The following XPR1 variants were observed in gnomAD, a reference collection of about 807,000 sequenced individuals.
XPR1 encodes xenotropic and polytropic retrovirus receptor 1.
In XPR1, 28 loss-of-function variants were observed where a neutral mutation model predicts 87.5. The observed-to-expected ratio is 0.32, with a 90% CI of 0.24 to 0.44. The LOEUF is 0.44. XPR1 is among the 20% of genes least tolerant of loss of function. The pLI is 1.00. For missense variants in XPR1, 559 were observed against 862.3 expected (o/e 0.65, Z 4.41); for synonymous variants, 300 against 306.1 (o/e 0.98, Z 0.21).
intron 2 of XPR1, among the ~76,000 whole-genome samples, chr1:180,742,563 A>G (rs113137729): frequency 0.017 from 2,551 of 152,194 alleles, 79 homozygotes; most frequent in African/African-American, 0.056. Context: ...GTCTTGGTAC[A>G]TAGTTCCATG....
intron 2 of XPR1, among the ~76,000 whole-genome samples, chr1:180,704,811 G>GT (rs1182063865): frequency 1.6e-3 from 99 of 63,596 alleles, no homozygotes; most frequent in African/African-American, 4.5e-3. Context: ...GGGACTGTTG[G>GT]TTGTTTTTTT....
intron 2 of XPR1, among the ~76,000 whole-genome samples, chr1:180,722,737 GTC>G (rs1299367667): frequency 6.6e-6 from 1 of 152,088 alleles, no homozygotes; most frequent in African/African-American, 2.4e-5. Flanking sequence ...TGATACAGTT[GTC>G]TCTCTTGCTT....
intron 12 of XPR1, among the ~76,000 whole-genome samples, chr1:180,872,705 C>T (rs1249319783): frequency 7.0e-6 from 1 of 143,278 alleles, no homozygotes; most frequent in Non-Finnish European, 1.5e-5. Flanking sequence ...CACTGGCCTG[C>T]GCCCACTGTC....
intron 2 of XPR1, among the ~76,000 whole-genome samples, chr1:180,744,737 G>A (rs1044475851): frequency 7.2e-6 from 1 of 139,404 alleles, no homozygotes; most frequent in African/African-American, 2.7e-5. Flanking sequence ...TGCAGCCTCC[G>A]CCTCCCGGGT....
intron 1 of XPR1, among the ~76,000 whole-genome samples, chr1:180,671,444 A>G (rs544145763): frequency 6.6e-6 from 1 of 152,326 alleles, no homozygotes; most frequent in Middle Eastern, 3.4e-3. Flanking sequence ...AGAAAACGTA[A>G]TAATGTTAAC....
chr1:180,705,884 C>G lies in XPR1; in HGVS notation c.121+23473C>G, dbSNP rs963958361. On this transcript the variant is annotated intron_variant, in intron 2 of 14. Transcript: ENST00000367590. ...TTCGCAATGGCCATGAAAGAATCTT[C>G]CTAAAAGTAGTAGTAAGAGAATGAC... 5.9e-5 allele frequency among the ~76,000 whole-genome samples: 9 copies of G among 152,212 alleles called. No homozygotes were observed. In the South Asian group the frequency reaches 1.0e-3, roughly 18 times the overall value.
At chr1:180,639,224 G>A (rs1232637520) in intron 1 of XPR1, among the ~76,000 whole-genome samples, 2 of 151,894 alleles carry the variant, frequency 1.3e-5, no homozygotes, top group Non-Finnish European at 2.9e-5. Flanking sequence ...GGAGGCGGAG[G>A]TTGCAGTGAG....
chr1:180,835,496 A>ACCCCCCCCCCCCC (rs111339401), intron 10 of XPR1, among the ~76,000 whole-genome samples: 1 of 150,300 alleles, frequency 6.7e-6, no homozygotes, highest in African/African-American at 2.5e-5. Context: ...CCGTTTTCGC[A>ACCCCCCCCCCCCC]CCCCCCCCTT....
intron 13 of XPR1, chr1:180,874,149 C>T (rs950626856): frequency 1.5e-5 from 8 of 529,812 alleles, no homozygotes; most frequent in African/African-American, 1.2e-4. Flanking sequence ...CCCACCTCGG[C>T]CTCCCAAAGT....
intron 7 of XPR1, among the ~76,000 whole-genome samples, chr1:180,813,313 G>A (rs1314815537): frequency 6.6e-6 from 1 of 152,126 alleles, no homozygotes; most frequent in Non-Finnish European, 1.5e-5. Flanking sequence ...TCCCCAAGAT[G>A]TCTACCTAGC....
chr1:180,852,968 G>A (rs1329010034), intron 11 of XPR1, among the ~76,000 whole-genome samples: 2 of 152,086 alleles, frequency 1.3e-5, no homozygotes, highest in African/African-American at 4.8e-5. Flanking sequence ...GTTTTGGAAT[G>A]TATCCCCCAC....
At chr1:180,822,130 G>A (rs552710688) in intron 7 of XPR1, among the ~76,000 whole-genome samples, 12 of 152,266 alleles carry the variant, frequency 7.9e-5, no homozygotes, top group East Asian at 7.7e-4. Context: ...AGGTCATGCC[G>A]TGTATGTACA....
At chr1:180,676,013 T>C (rs1656357644) in intron 1 of XPR1, among the ~76,000 whole-genome samples, 1 of 152,204 alleles carries the variant, frequency 6.6e-6, no homozygotes, top group African/African-American at 2.4e-5. Flanking sequence ...CAGTGAGATT[T>C]GTCTTGACTT....
At chr1:180,772,329 T>A (rs1172490934) in intron 2 of XPR1, among the ~76,000 whole-genome samples, 2 of 152,170 alleles carry the variant, frequency 1.3e-5, no homozygotes, top group Non-Finnish European at 2.9e-5. Context: ...GACCCAGCCC[T>A]GGAAATCAAC....
chr1:180,810,147 AAGC>A (rs1263017485), intron 6 of XPR1, among the ~76,000 whole-genome samples: 1 of 152,160 alleles, frequency 6.6e-6, no homozygotes, highest in African/African-American at 2.4e-5. Flanking sequence ...TTATTTTAGA[AAGC>A]AGAAGTTTCA....
At chr1:180,757,757 C>T (rs117170505) in intron 2 of XPR1, among the ~76,000 whole-genome samples, 3 of 150,762 alleles carry the variant, frequency 2.0e-5, no homozygotes, top group East Asian at 3.9e-4. Flanking sequence ...TGGCCTCAAG[C>T]GATCCTTCTG....
chr1:180,662,739 C>T (rs1334852557), intron 1 of XPR1, among the ~76,000 whole-genome samples: 1 of 152,128 alleles, frequency 6.6e-6, no homozygotes, highest in Non-Finnish European at 1.5e-5. Flanking sequence ...TCTCCACCTC[C>T]TTTTTAAGGC....
intron 13 of XPR1, among the ~76,000 whole-genome samples, chr1:180,876,101 A>G (rs944586492): frequency 3.9e-5 from 6 of 152,306 alleles, no homozygotes; most frequent in African/African-American, 1.4e-4. Context: ...AATATTAACC[A>G]ATTTTATACA....
intron 7 of XPR1, among the ~76,000 whole-genome samples, chr1:180,823,087 A>G (rs1156730286): frequency 3.3e-5 from 5 of 152,088 alleles, no homozygotes; most frequent in Admixed American, 2.6e-4. Context: ...TAAAAATACA[A>G]AAAATTAGCT....
Sources: gnomAD v4.1 joint callset for allele counts (sites outside exome capture counted in the v4.1 genomes callset) on GRCh38, gnomAD v4.1.1 for gene constraint, MANE v1.5 for transcripts, NCBI Gene and HGNC (gene_info 2026-07-23, HGNC 2026-07-21) for gene names.